The following HIPK2 variants were observed in gnomAD, a reference collection of about 807,000 sequenced individuals.
HIPK2 encodes the protein homeodomain interacting protein kinase 2, also known as homeodomain-interacting protein kinase 2.
In HIPK2, 27 loss-of-function variants were observed where a neutral mutation model predicts 113.7. The observed-to-expected ratio is 0.24, with a 90% CI of 0.17 to 0.33. HIPK2 has a LOEUF of 0.33. HIPK2 is among the 10% of genes least tolerant of loss of function. The pLI, the probability that HIPK2 is intolerant of heterozygous loss-of-function variation, is 1.00. For synonymous variants in HIPK2, 631 were observed against 642.2 expected, an observed-to-expected ratio of 0.98 and a Z score of 0.26; for missense variants, 1,257 against 1,588.0, an observed-to-expected ratio of 0.79 and a Z score of 3.54.
In HIPK2 at chr7:139,733,435, C is replaced by T. The variant is rs554206846; in HGVS notation, c.20-16420G>A. Among the ~76,000 whole-genome samples the T allele has an allele frequency of 4.6e-5, 7 of 152,340 alleles. No individual in the cohort carries two copies. In the South Asian group the frequency reaches 1.4e-3, roughly 32 times the overall value. On this transcript the variant is annotated intron_variant, in intron 1 of 14. Coordinates refer to ENST00000406875, the MANE Select transcript of HIPK2 (RefSeq NM_022740.5). The stretch of plus-strand genomic sequence containing the variant: ...CCAAAAGCACTATCCTTGGTCATAA[C>T]TGAGACCCAGTTTCTATGTACAATA...
chr7:139,736,473 GGAACTCC>G (rs1795942014), intron 1 of HIPK2, among the ~76,000 whole-genome samples: 1 of 152,160 alleles, frequency 6.6e-6, no homozygotes, highest in Non-Finnish European at 1.5e-5. Flanking sequence ...CTTCCCTGAG[GGAACTCC>G]CACAGCAGGA....
Position 139,717,155 on chromosome 7 carries a change from G to GA in HIPK2, c.20-141dup, listed in dbSNP as rs1198224612. ...CACTTGAAAACAAGGTTGAAAAAGTGAATCTCTTCCACCCAGAAGCACATT... is the reference window on the plus strand; with the variant it reads ...CACTTGAAAACAAGGTTGAAAAAGTGAAATCTCTTCCACCCAGAAGCACATT... On this transcript the variant is annotated intron_variant, in intron 1 of 14. Transcript: ENST00000406875. The GA allele has an allele frequency of 2.6e-6, 3 of 1,158,656 alleles. No homozygotes were observed. In the East Asian group the frequency reaches 7.8e-5, roughly 30 times the overall value. The allele number at this position is 1,158,656 out of a possible 1,614,324, so 71.8% of individuals were successfully genotyped here.
At chr7:139,660,115 T>C (rs1178079529) in intron 2 of HIPK2, among the ~76,000 whole-genome samples, 1 of 152,256 alleles carries the variant, frequency 6.6e-6, no homozygotes, top group Non-Finnish European at 1.5e-5. Flanking sequence ...TGGCCTCCCA[T>C]AGTTTGAGAA....
rs910561470 is a variant in HIPK2, at chr7:139,561,754, C to G, written c.*11173G>C. Reference sequence around the variant, plus strand: ...TATAACATAGTTCACCACAATGGGACCCCCCCCCCTTTTTCTCACCCTACA... The same window carrying G: ...TATAACATAGTTCACCACAATGGGAGCCCCCCCCCTTTTTCTCACCCTACA... On this transcript the variant is annotated 3_prime_UTR_variant, in exon 15 of 15. Transcript: ENST00000406875. The G allele has an allele frequency of 1.2e-5, 1 of 83,518 alleles. No individual in the cohort carries two copies. The highest frequency in any genetic ancestry group is 2.4e-5 in the Non-Finnish European group (1 of 42,292). The allele number at this position is 83,518 out of a possible 1,614,324, so 5.2% of individuals were successfully genotyped here.
chr7:139,626,578 G>T, intron 6 of HIPK2, 23 bp downstream of exon 6: 1 of 1,605,340 alleles, frequency 6.2e-7, no homozygotes, highest in African/African-American at 1.3e-5. Flanking sequence ...TCCCTGGTAC[G>T]AAGCATCAGG....
chr7:139,750,183 AT>A (rs1210351445), intron 1 of HIPK2, among the ~76,000 whole-genome samples: 3 of 152,218 alleles, frequency 2.0e-5, no homozygotes, highest in African/African-American at 7.2e-5. Context: ...TTATGGCCTC[AT>A]GGTTTTAGCA....
chr7:139,661,797 G>A (rs1214386348), intron 2 of HIPK2, among the ~76,000 whole-genome samples: 1 of 152,318 alleles, frequency 6.6e-6, no homozygotes, highest in Non-Finnish European at 1.5e-5. Context: ...CATGCAGCCT[G>A]CAGGCTGGAC....
At chr7:139,598,211 G>C (rs1003202397) in intron 11 of HIPK2, among the ~76,000 whole-genome samples, 2 of 152,214 alleles carry the variant, frequency 1.3e-5, no homozygotes, top group East Asian at 1.9e-4. Flanking sequence ...TATGCAGTGA[G>C]AGACTAACAG....
rs1029609225 is a variant in HIPK2 at position 139,564,035 on chromosome 7, A to T, written c.*8892T>A. On this transcript the variant is annotated 3_prime_UTR_variant, in exon 15 of 15. Transcript: ENST00000406875. ...ATGATGTCTGTTTAGAGTGGGTCTC[A>T]ATGGACCAGGCTGAGCTGCCCCTCT... 2 of 398,226 alleles carry T rather than the reference A, an allele frequency of 5.0e-6. No individual in the cohort carries two copies. Among genetic ancestry groups the T allele is most frequent in the Non-Finnish European group, 8.8e-6 (2 of 226,044 alleles). 24.7% of individuals were successfully genotyped at this position (398,226 alleles called of 1,614,324 possible). A position where few individuals can be genotyped will look rare whatever the true frequency, so the allele number is the denominator to read the frequency against.
intron 2 of HIPK2, among the ~76,000 whole-genome samples, chr7:139,645,614 C>T (rs1286759996): frequency 6.6e-6 from 1 of 152,160 alleles, no homozygotes; most frequent in African/African-American, 2.4e-5. Flanking sequence ...AGGCTCTGAT[C>T]CTGTAAGTAC....
chr7:139,590,027 T>C (rs1798963954), intron 12 of HIPK2, among the ~76,000 whole-genome samples: 2 of 152,222 alleles, frequency 1.3e-5, no homozygotes, highest in South Asian at 4.1e-4. Flanking sequence ...ATTAGAGAAC[T>C]AATGGGAAGC....
rs148396520 is a variant in HIPK2 at position 139,651,444 on chromosome 7, C to T, written c.1104-19719G>A. 2.0e-3 allele frequency among the ~76,000 whole-genome samples: 312 copies of T among 152,294 alleles called. 2 individuals carry two copies. Among genetic ancestry groups the T allele is most frequent in the Middle Eastern group, 0.014 (4 of 294 alleles). On this transcript the variant is annotated intron_variant, in intron 2 of 14. Transcript: ENST00000406875. ...TGGATTTCCTGCTGAAAATCAAAAG[C>T]TCTGGCAACTCTGGGCCACTTGTCA...
chr7:139,631,271 G>A lies in HIPK2; in HGVS notation c.1241C>T (p.Ser414Leu). Residue 414 changes from serine (S) to leucine (L), a missense_variant, in exon 4 of 15, where the codon TCA becomes TTA. Ser to Leu is a moderately radical substitution (Grantham distance 145). Coordinates refer to ENST00000406875, the MANE Select transcript of HIPK2 (RefSeq NM_022740.5). The surrounding 1 kb of genome is among the most constrained non-coding windows in gnomAD (Gnocchi z 4.9). ...ASEYDQIRYI[S>L]QTQGLPAEYL... is the part of the protein sequence containing the mutation. ...TTCAGCAGGCAAACCCTGTGTTTGT[G>A]AAATATACCGAATCTGCAAGAAAAG... is the stretch of plus-strand genomic sequence containing the variant. 6.2e-7 allele frequency: 1 copy of A among 1,612,354 alleles called. No individual in the cohort carries two copies.
At chr7:139,598,412 T>C (rs561022511) in intron 11 of HIPK2, among the ~76,000 whole-genome samples, 4 of 152,334 alleles carry the variant, frequency 2.6e-5, no homozygotes, top group South Asian at 2.1e-4. Context: ...GTACCATTGT[T>C]TGTACTTACT....
intron 2 of HIPK2, among the ~76,000 whole-genome samples, chr7:139,680,419 C>T (rs754344424): frequency 2.6e-5 from 4 of 152,176 alleles, no homozygotes; most frequent in African/African-American, 9.7e-5. Flanking sequence ...GTTTTGGGAT[C>T]GAACATTAAA....
In HIPK2 at chr7:139,613,085, T is replaced by C; in HGVS notation, c.2112+117A>G. 8.1e-7 allele frequency: 1 copy of C among 1,237,524 alleles called. No individual in the cohort carries two copies. Among genetic ancestry groups the C allele is most frequent in the Non-Finnish European group, 1.1e-6 (1 of 895,942 alleles). 76.7% of individuals were successfully genotyped at this position (1,237,524 alleles called of 1,614,324 possible). A position where few individuals can be genotyped will look rare whatever the true frequency, so the allele number is the denominator to read the frequency against. On this transcript the variant is annotated intron_variant, in intron 9 of 14. Coordinates refer to ENST00000406875, the MANE Select transcript of HIPK2 (RefSeq NM_022740.5). This position sits in a 1 kb window ranked among gnomAD's most constrained non-coding sequence, Gnocchi z 4.2. ...TTAGAATATTACAGATACATTCCAA[T>C]GACTAGAAGCACCTAACTCATTACT...
Position 139,573,135 on chromosome 7 carries a change from G to A in HIPK2, c.3389C>T (p.Thr1130Ile), listed in dbSNP as rs773455086. ...LVASQGSARH[T>I]VQHTAYPASI... is the part of the protein sequence containing the mutation. ...GGCTGGGTAGGCAGTGTGCTGCACG[G>A]TGTGGCGCGCAGAGCCTTGCGAGGC... The change falls in exon 15 of 15, where the codon ACC becomes ATC. Residue 1130 changes from threonine (T) to isoleucine (I), a missense_variant. Around this residue, in one of 5 missense-constraint regions of HIPK2, gnomAD observed 862 missense variants for 1,004.3 expected, o/e 0.86. Coordinates refer to ENST00000406875, the MANE Select transcript of HIPK2 (RefSeq NM_022740.5). The A allele has an allele frequency of 1.2e-6, 2 of 1,611,676 alleles. No individual in the cohort carries two copies. Among genetic ancestry groups the A allele is most frequent in the Non-Finnish European group, 1.7e-6 (2 of 1,179,394 alleles).
chr7:139,742,609 T>C (rs954131317), intron 1 of HIPK2, among the ~76,000 whole-genome samples: 8 of 152,152 alleles, frequency 5.3e-5, no homozygotes. Context: ...GCTCTAACAA[T>C]GGGTAATTTT....
chr7:139,668,447 A>C (rs564813324), intron 2 of HIPK2, among the ~76,000 whole-genome samples: 164 of 151,920 alleles, frequency 1.1e-3, no homozygotes, highest in African/African-American at 3.6e-3. Context: ...CTGTAGTTCC[A>C]GCTACTCGGG....
Sources: allele counts gnomAD v4.1 joint callset (sites outside exome capture counted in the v4.1 genomes callset), GRCh38; gene constraint gnomAD v4.1.1; regional missense constraint gnomAD v4.1.1; non-coding constraint Gnocchi (gnomAD v3.1); transcripts MANE v1.5; gene names NCBI Gene and HGNC (gene_info 2026-07-23, HGNC 2026-07-21).